Variants in EPHA3 observed in about 807,000 individuals in gnomAD.
The protein encoded by EPHA3 is EPH receptor A3, also known as ephrin type-A receptor 3.
In EPHA3, 42 loss-of-function variants were observed where a neutral mutation model predicts 107.1. The ratio of observed to expected loss-of-function variants is 0.39; its 90% CI spans 0.31 to 0.51. EPHA3 has a LOEUF of 0.51. Ranked by LOEUF, EPHA3 falls within the 20% of genes least tolerant of loss-of-function variation. The pLI is 0.78. For missense variants in EPHA3, 1,183 were observed against 1,211.2 expected, an observed-to-expected ratio of 0.98 and a Z score of 0.35; for synonymous variants, 461 against 424.8, an observed-to-expected ratio of 1.09 and a Z score of -1.05.
At chr3:89,477,534 C>T (rs571932313) in intron 16 of EPHA3, among the ~76,000 whole-genome samples, 1 of 152,138 alleles carries the variant, frequency 6.6e-6, no homozygotes, top group African/African-American at 2.4e-5. Context: ...CTTAAGAAAT[C>T]GATTAATCCA....
At chr3:89,275,975 C>T (rs1705795069) in intron 3 of EPHA3, among the ~76,000 whole-genome samples, 2 of 151,950 alleles carry the variant, frequency 1.3e-5, no homozygotes, top group Non-Finnish European at 2.9e-5. Context: ...TGGGGAGTTG[C>T]AGAAGGTGTC....
chr3:89,315,226 T>C (rs1430911041), intron 3 of EPHA3, among the ~76,000 whole-genome samples: 2 of 151,828 alleles, frequency 1.3e-5, no homozygotes, highest in African/African-American at 2.4e-5. Context: ...ATACAATGTG[T>C]GTGAATGTGT....
chr3:89,420,088 A>G (rs1709327422), intron 11 of EPHA3, among the ~76,000 whole-genome samples: 1 of 151,400 alleles, frequency 6.6e-6, no homozygotes, highest in South Asian at 2.1e-4. Context: ...CAATCCCTAT[A>G]TAAGTCTCTT....
rs1257809789 is a variant in EPHA3, at chr3:89,447,659, TA to T, written c.2347-1565del. ...CAGTTTTCTCCTCTGTGCTTTGATT[TA>T]TGCCATTTGCTCAGAATATGAGAGT... On this transcript the variant is annotated intron_variant, in intron 13 of 16. Coordinates refer to ENST00000336596, the MANE Select transcript of EPHA3 (RefSeq NM_005233.6). Among the ~76,000 whole-genome samples the T allele has an allele frequency of 3.3e-5, 5 of 152,332 alleles. No individual in the cohort carries two copies. In the East Asian group the frequency reaches 7.7e-4, roughly 23 times the overall value.
At position 89,206,024 on chromosome 3, in the gene EPHA3, A is replaced by G. The variant is rs202246963; in HGVS notation, c.154-3836A>G. Among the ~76,000 whole-genome samples, 23 of 152,310 alleles carry G rather than the reference A, an allele frequency of 1.5e-4. No homozygotes were observed. In the East Asian group the frequency reaches 3.7e-3, roughly 24 times the overall value. On this transcript the variant is annotated intron_variant, in intron 2 of 16. Coordinates refer to ENST00000336596, the MANE Select transcript of EPHA3 (RefSeq NM_005233.6). Reference sequence around the variant, plus strand: ...GCTGCTATGAGAAAATATTCATTTAAGAATTTTATTTCTACTGTCTTTAGT... The same window carrying G: ...GCTGCTATGAGAAAATATTCATTTAGGAATTTTATTTCTACTGTCTTTAGT...
chr3:89,324,674 C>T (rs1459120575), intron 3 of EPHA3, among the ~76,000 whole-genome samples: 1 of 151,782 alleles, frequency 6.6e-6, no homozygotes, highest in Admixed American at 6.6e-5. Flanking sequence ...ACATAATTAC[C>T]AACTTTTAGA....
chr3:89,202,932 C>T (rs1706007034), intron 2 of EPHA3, among the ~76,000 whole-genome samples: 1 of 152,012 alleles, frequency 6.6e-6, no homozygotes, highest in African/African-American at 2.4e-5. Flanking sequence ...CTTATCATTC[C>T]TTGTAGGAGG....
chr3:89,253,346 T>C (rs1466348807), intron 3 of EPHA3, among the ~76,000 whole-genome samples: 4 of 152,032 alleles, frequency 2.6e-5, no homozygotes, highest in Admixed American at 2.6e-4. Context: ...ATTTATGAGA[T>C]TGAAAGACAC....
intron 2 of EPHA3, among the ~76,000 whole-genome samples, chr3:89,182,572 GA>G (rs1482559862): frequency 1.3e-5 from 2 of 151,418 alleles, no homozygotes; most frequent in Non-Finnish European, 3.0e-5. Flanking sequence ...GGAAAATATT[GA>G]AAAAAAGGTC....
At chr3:89,203,695 T>C (rs1706031021) in intron 2 of EPHA3, among the ~76,000 whole-genome samples, 1 of 151,882 alleles carries the variant, frequency 6.6e-6, no homozygotes, top group African/African-American at 2.4e-5. Flanking sequence ...GAGAATGGCG[T>C]GAACCTGGGA....
chr3:89,266,579 C>T (rs752157435), intron 3 of EPHA3, among the ~76,000 whole-genome samples: 2 of 152,030 alleles, frequency 1.3e-5, no homozygotes, highest in African/African-American at 4.8e-5. Context: ...AATTAACTCT[C>T]AATTTTTCTC....
intron 3 of EPHA3, among the ~76,000 whole-genome samples, chr3:89,217,419 C>CA (rs556114969): frequency 0.011 from 1,593 of 150,738 alleles, 16 homozygotes; most frequent in African/African-American, 0.031. Context: ...AAAACAAAAA[C>CA]AAAAAAAAAC....
At position 89,160,992 on chromosome 3, in the gene EPHA3, C is replaced by T. The variant is rs376273448; in HGVS notation, c.153+33719C>T. Among the ~76,000 whole-genome samples, 125 of 152,062 alleles carry T rather than the reference C, an allele frequency of 8.2e-4. 2 individuals are homozygous for T. In the South Asian group the frequency reaches 0.018, roughly 22 times the overall value. On this transcript the variant is annotated intron_variant, in intron 2 of 16. Transcript: ENST00000336596. Reference sequence around the variant, plus strand: ...ATGGAAATTAAACTGGGAAATTTAACGAAATTATTAATGCATTTAAAAATT... The same window carrying T: ...ATGGAAATTAAACTGGGAAATTTAATGAAATTATTAATGCATTTAAAAATT...
intron 2 of EPHA3, among the ~76,000 whole-genome samples, chr3:89,173,026 A>AC (rs1705241876): frequency 6.6e-6 from 1 of 152,162 alleles, no homozygotes; most frequent in African/African-American, 2.4e-5. Context: ...TAATATTATA[A>AC]CAAGTACAGT....
intron 5 of EPHA3, among the ~76,000 whole-genome samples, chr3:89,376,491 A>G (rs940066717): frequency 1.3e-5 from 2 of 151,872 alleles, no homozygotes; most frequent in African/African-American, 4.8e-5. Flanking sequence ...CTTTCCTTCT[A>G]TATCAACTGT....
chr3:89,374,287 A>G (rs760232567), intron 5 of EPHA3, among the ~76,000 whole-genome samples: 39 of 147,390 alleles, frequency 2.6e-4, no homozygotes, highest in Non-Finnish European at 3.2e-4. Flanking sequence ...AGATTTTTGC[A>G]GAATCATCTG....
intron 3 of EPHA3, among the ~76,000 whole-genome samples, chr3:89,259,560 A>G (rs190125996): frequency 4.3e-4 from 65 of 152,256 alleles, no homozygotes; most frequent in Non-Finnish European, 6.5e-4. Flanking sequence ...AAAAAGGTAA[A>G]TTGTATTGTG....
At chr3:89,116,904 G>A (rs1707271075) in intron 1 of EPHA3, among the ~76,000 whole-genome samples, 1 of 151,654 alleles carries the variant, frequency 6.6e-6, no homozygotes, top group Non-Finnish European at 1.5e-5. Context: ...ATTCATATTT[G>A]TTACTCATTT....
At chr3:89,290,684 T>C (rs953372082) in intron 3 of EPHA3, among the ~76,000 whole-genome samples, 1 of 152,142 alleles carries the variant, frequency 6.6e-6, no homozygotes, top group African/African-American at 2.4e-5. Context: ...TAGTTAATTT[T>C]AGGCCCTGAT....
Sources: allele counts gnomAD v4.1 joint callset (sites outside exome capture counted in the v4.1 genomes callset), GRCh38; gene constraint gnomAD v4.1.1; transcripts MANE v1.5; gene names NCBI Gene and HGNC (gene_info 2026-07-23, HGNC 2026-07-21).